The following ZNF7 variants were observed in gnomAD, a reference collection of about 807,000 sequenced individuals.
The protein encoded by ZNF7 is zinc finger protein 7.
In ZNF7, 10 loss-of-function variants were observed where a neutral mutation model predicts 12.0. The observed-to-expected ratio is 0.83, with a 90% CI of 0.51 to 1.42. ZNF7 has a LOEUF of 1.42. Among genes scored for constraint, ZNF7 ranks in the 40% most tolerant of loss-of-function variants. ZNF7 has a pLI of 0.00. For synonymous variants in ZNF7, 334 were observed against 295.0 expected, an observed-to-expected ratio of 1.13 and a Z score of -1.35; for missense variants, 854 against 837.2, an observed-to-expected ratio of 1.02 and a Z score of -0.25.
chr8:144,837,477 G>T lies in ZNF7; in HGVS notation c.217G>T (p.Gly73Trp), dbSNP rs1829150644. 1 of 1,611,814 alleles carries T rather than the reference G, an allele frequency of 6.2e-7. No homozygotes were observed. The highest frequency in any genetic ancestry group is 8.5e-7 in the Non-Finnish European group (1 of 1,178,278). Reference protein sequence around the residue: ...PWVLDLQGAEGTEAPRTSKTD... With the variant: ...PWVLDLQGAEWTEAPRTSKTD... The stretch of plus-strand genomic sequence containing the variant: ...GGTCCTCGACCTGCAGGGAGCAGAG[G>T]GGACAGAGGCACCAAGGACCTCCAA... Residue 73 changes from glycine (G) to tryptophan (W), a missense_variant, in exon 4 of 5, where the codon GGG becomes TGG. Gly to Trp is a radical substitution (Grantham distance 184). Coordinates refer to ENST00000532777, the MANE Select transcript of ZNF7 (RefSeq NM_003416.4).
Position 144,842,822 on chromosome 8 carries a change from A to G in ZNF7, c.1715A>G (p.Gln572Arg). ...FSQNSTLFQHQIIHAGVKPYE... is the reference protein window; with the variant it reads ...FSQNSTLFQHRIIHAGVKPYE... Reference sequence around the variant, plus strand: ...CAAAACTCAACCCTTTTCCAACACCAGATAATTCATGCAGGGGTGAAGCCC... The same window carrying G: ...CAAAACTCAACCCTTTTCCAACACCGGATAATTCATGCAGGGGTGAAGCCC... The change falls in exon 5 of 5, where the codon CAG becomes CGG. Residue 572 changes from glutamine to arginine, a missense_variant. Physicochemically the swap from Gln to Arg is conservative, Grantham distance 43. Coordinates refer to ENST00000532777, the MANE Select transcript of ZNF7 (RefSeq NM_003416.4). 4 of 1,614,204 alleles carry G rather than the reference A, an allele frequency of 2.5e-6. No individual in the cohort carries two copies. The highest frequency in any genetic ancestry group is 3.4e-6 in the Non-Finnish European group (4 of 1,180,032).
intron 3 of ZNF7, chr8:144,830,894 C>G (rs12682087): frequency 2.2e-6 from 1 of 458,194 alleles, no homozygotes; most frequent in African/African-American, 2.0e-5. Flanking sequence ...CCACCGTGCC[C>G]AGCCGGAGTA....
chr8:144,827,578 C>A lies in ZNF7; in HGVS notation c.-77C>A. 4 of 985,710 alleles carry A rather than the reference C, an allele frequency of 4.1e-6. No individual in the cohort carries two copies. The highest frequency in any genetic ancestry group is 4.8e-6 in the Non-Finnish European group (4 of 830,166). The allele number at this position is 985,710 out of a possible 1,614,324, so 61.1% of individuals were successfully genotyped here. ...AAGGCCCGTTTCCGGCGGCGTCGCG[C>A]GTTTGCGAGCCTCGGGTGGTCCTCA... On this transcript the variant is annotated 5_prime_UTR_variant, in exon 1 of 5. Transcript: ENST00000532777.
chr8:144,844,846 T>A (rs1227044660), downstream of ZNF7, among the ~76,000 whole-genome samples: 1 of 150,526 alleles, frequency 6.6e-6, no homozygotes, highest in African/African-American at 2.5e-5. Flanking sequence ...AAAAGATGGT[T>A]GAGTGAAGAA....
At position 144,831,872 on chromosome 8, in the gene ZNF7, G is replaced by A. The variant is rs564420026; in HGVS notation, c.130+2268G>A. On this transcript the variant is annotated intron_variant, in intron 3 of 4. Transcript: ENST00000532777. Reference sequence around the variant, plus strand: ...TTTATTATAAATCACTTTTTCAGCCGGACATGGTGTTGCATGCCTGTAGTC... The same window carrying A: ...TTTATTATAAATCACTTTTTCAGCCAGACATGGTGTTGCATGCCTGTAGTC... Among the ~76,000 whole-genome samples the A allele has an allele frequency of 1.1e-4, 11 of 100,474 alleles. 2 individuals carry two copies. The highest frequency in any genetic ancestry group is 9.7e-4 in the Admixed American group (9 of 9,288). 65.9% of individuals were successfully genotyped at this position (100,474 alleles called of 152,430 possible).
rs1362998482 is a variant in ZNF7, at chr8:144,843,214, T to C, written c.*46T>C. On this transcript the variant is annotated 3_prime_UTR_variant, in exon 5 of 5. Transcript: ENST00000532777. ...TATATATGTGAATAAACCTATAGCC[T>C]TAACTTACTTATTTTATATGGAATC... is the stretch of plus-strand genomic sequence containing the variant. 4.0e-6 allele frequency: 6 copies of C among 1,500,938 alleles called. No homozygotes were observed. The highest frequency in any genetic ancestry group is 1.4e-5 in the South Asian group (1 of 72,094). The allele number at this position is 1,500,938 out of a possible 1,614,324, so 93.0% of individuals were successfully genotyped here.
Position 144,843,033 on chromosome 8 carries a change from A to AT in ZNF7, c.1929dup (p.Arg644Ter). The AT allele has an allele frequency of 6.2e-7, 1 of 1,614,204 alleles. No homozygotes were observed. The highest frequency in any genetic ancestry group is 8.5e-7 in the Non-Finnish European group (1 of 1,180,040). On this transcript the variant is annotated frameshift_variant, in exon 5 of 5. Coordinates refer to ENST00000532777, the MANE Select transcript of ZNF7 (RefSeq NM_003416.4). LOFTEE classifies it low-confidence loss of function (END_TRUNC). ...ATCAGTGTGAAGACTGTGAGAAGAT[A>AT]TTTAGGTGGCGTTCACACCTAATTA...
Position 144,842,177 on chromosome 8 carries a change from C to A in ZNF7, c.1070C>A (p.Thr357Asn). 2 of 1,614,116 alleles carry A rather than the reference C, an allele frequency of 1.2e-6. No individual in the cohort carries two copies. The highest frequency in any genetic ancestry group is 1.7e-6 in the Non-Finnish European group (2 of 1,180,006). The change falls in exon 5 of 5, where the codon ACT becomes AAT. Residue 357 changes from threonine (T) to asparagine (N), a missense_variant. Physicochemically the swap from Thr to Asn is moderately conservative, Grantham distance 65. Transcript: ENST00000532777. The part of the protein sequence containing the change: ...SQLVRHQRTH[T>N]GERPYPCKEC... ...CTGGTTAGACACCAGAGAACTCACACTGGGGAGAGGCCCTACCCTTGCAAG... is the reference window on the plus strand; with the variant it reads ...CTGGTTAGACACCAGAGAACTCACAATGGGGAGAGGCCCTACCCTTGCAAG...
chr8:144,829,164 G>A, intron 2 of ZNF7, 74 bp downstream of exon 2: 2 of 1,606,658 alleles, frequency 1.2e-6, no homozygotes, highest in Admixed American at 1.7e-5. Flanking sequence ...CACTGGCCCT[G>A]GGCCCAGACC....
downstream of ZNF7, among the ~76,000 whole-genome samples, chr8:144,845,490 G>A (rs575395052): frequency 3.9e-5 from 6 of 152,278 alleles, no homozygotes; most frequent in African/African-American, 7.2e-5. Context: ...GCTGATGGCA[G>A]GTGGCTTGCT....
At chr8:144,838,203 G>C in intron 4 of ZNF7, 1 of 698,308 alleles carries the variant, frequency 1.4e-6, no homozygotes, top group Non-Finnish European at 2.6e-6. Context: ...CTCCCTGCGT[G>C]TCTGTGTTCA....
rs1316305674 is a variant in ZNF7 at position 144,843,649 on chromosome 8, G to A, written c.*481G>A. On this transcript the variant is annotated 3_prime_UTR_variant, in exon 5 of 5. Coordinates refer to ENST00000532777, the MANE Select transcript of ZNF7 (RefSeq NM_003416.4). ...AAAATGTATGTTTATTTCCTGAAAT[G>A]TTTGACCTTAACCTGTTCAATAAAG... 6.6e-6 allele frequency: 1 copy of A among 151,128 alleles called. No homozygotes were observed. The highest frequency in any genetic ancestry group is 1.5e-5 in the Non-Finnish European group (1 of 68,278). 9.4% of individuals were successfully genotyped at this position (151,128 alleles called of 1,614,324 possible).
intron 4 of ZNF7, among the ~76,000 whole-genome samples, chr8:144,837,806 G>A (rs1286474213): frequency 6.6e-6 from 1 of 152,066 alleles, no homozygotes; most frequent in Non-Finnish European, 1.5e-5. Context: ...TCATACTTTC[G>A]TTAAGCAAAG....
chr8:144,844,184 T>C (rs1194414075), downstream of ZNF7, among the ~76,000 whole-genome samples: 1 of 152,134 alleles, frequency 6.6e-6, no homozygotes. Context: ...AAACATGCAC[T>C]GTGAGAGGGT....
At chr8:144,843,923 AGAAC>A (rs1320571751), downstream of ZNF7, among the ~76,000 whole-genome samples, 1 of 152,194 alleles carries the variant, frequency 6.6e-6, no homozygotes, top group Admixed American at 6.5e-5. Flanking sequence ...TCCTTGTCTT[AGAAC>A]TTAACCCAGC....
chr8:144,831,445 T>A (rs918212238), intron 3 of ZNF7, among the ~76,000 whole-genome samples: 4 of 152,206 alleles, frequency 2.6e-5, no homozygotes, highest in African/African-American at 7.2e-5. Context: ...GCGGATGACA[T>A]CAATTCCTAG....
At position 144,843,354 on chromosome 8, in the gene ZNF7, C is replaced by T. The variant is rs931063234; in HGVS notation, c.*186C>T. 26 of 636,366 alleles carry T rather than the reference C, an allele frequency of 4.1e-5. No individual in the cohort carries two copies. The highest frequency in any genetic ancestry group is 1.5e-4 in the East Asian group (5 of 32,676). The allele number at this position is 636,366 out of a possible 1,614,324, so 39.4% of individuals were successfully genotyped here. A position where few individuals can be genotyped will look rare whatever the true frequency, so the allele number is the denominator to read the frequency against. On this transcript the variant is annotated 3_prime_UTR_variant, in exon 5 of 5. Coordinates refer to ENST00000532777, the MANE Select transcript of ZNF7 (RefSeq NM_003416.4). Reference sequence around the variant, plus strand: ...CCTGTCATCCCAGCACTTTGGGAGGCCAAGGCGGGCACATCACGAGGTCAG... The same window carrying T: ...CCTGTCATCCCAGCACTTTGGGAGGTCAAGGCGGGCACATCACGAGGTCAG...
rs368962858 is a variant in ZNF7, at chr8:144,842,731, A to G, written c.1624A>G (p.Ile542Val). The stretch of plus-strand genomic sequence containing the variant: ...CTTCAGTATGAGCACACAGCTTACA[A>G]TACATCAAAGGGTTCACACTGGAGA... ...KAFSMSTQLT[I>V]HQRVHTGERP... The change falls in exon 5 of 5, where the codon ATA becomes GTA. Residue 542 changes from isoleucine (I) to valine (V), a missense_variant. By Grantham distance (29) the Ile-to-Val change is conservative. Coordinates refer to ENST00000532777, the MANE Select transcript of ZNF7 (RefSeq NM_003416.4). 34 of 1,613,838 alleles carry G rather than the reference A, an allele frequency of 2.1e-5. No individual in the cohort carries two copies. Among genetic ancestry groups the G allele is most frequent in the Admixed American group, 3.3e-5 (2 of 59,998 alleles).
chr8:144,830,746 G>C (rs1261426518), intron 3 of ZNF7, among the ~76,000 whole-genome samples: 3 of 145,284 alleles, frequency 2.1e-5, no homozygotes, highest in Non-Finnish European at 1.5e-5. Flanking sequence ...TTTTTTTTGA[G>C]ATTTTGAGAT....
Sources: gnomAD v4.1 joint callset for allele counts (sites outside exome capture counted in the v4.1 genomes callset) on GRCh38, gnomAD v4.1.1 for gene constraint, MANE v1.5 for transcripts, NCBI Gene and HGNC (gene_info 2026-07-23, HGNC 2026-07-21) for gene names.